Variants in TRAFD1 observed in about 807,000 individuals in gnomAD.
The protein encoded by TRAFD1 is TRAF-type zinc finger domain containing 1.
In TRAFD1, 38 loss-of-function variants were observed where a neutral mutation model predicts 65.3. That is an observed-to-expected ratio of 0.58 (90% CI 0.45 to 0.76). The LOEUF (loss-of-function observed/expected upper bound fraction) is 0.76. Among genes scored for constraint, TRAFD1 ranks in the 30% least tolerant of loss-of-function variants. TRAFD1 has a pLI of 0.00. For synonymous variants in TRAFD1, 223 were observed against 257.2 expected, an observed-to-expected ratio of 0.87 and a Z score of 1.27; for missense variants, 631 against 712.6, an observed-to-expected ratio of 0.89 and a Z score of 1.30.
intron 2 of TRAFD1, among the ~76,000 whole-genome samples, chr12:112,133,913 C>T (rs538481177): frequency 6.6e-6 from 1 of 150,962 alleles, no homozygotes; most frequent in East Asian, 1.9e-4. Context: ...ACCATGTTGG[C>T]TAGGCTGGTC....
chr12:112,135,593 C>T (rs1468824447), intron 4 of TRAFD1, among the ~76,000 whole-genome samples: 3 of 151,942 alleles, frequency 2.0e-5, no homozygotes, highest in African/African-American at 7.3e-5. Context: ...ACCACCACTC[C>T]CAGCTAATTA....
chr12:112,133,205 C>T (rs896833378), intron 2 of TRAFD1: 2 of 152,142 alleles, frequency 1.3e-5, no homozygotes, highest in African/African-American at 4.8e-5. Context: ...AGAGACCAGA[C>T]TGGTGGAGGA....
intron 9 of TRAFD1, among the ~76,000 whole-genome samples, chr12:112,150,529 G>A (rs1044406535): frequency 3.3e-5 from 5 of 151,992 alleles, no homozygotes; most frequent in African/African-American, 7.3e-5. Context: ...GGTTACATGC[G>A]TAGGCCACTG....
At position 112,137,882 on chromosome 12, in the gene TRAFD1, A is replaced by G. The variant is rs558660453; in HGVS notation, c.237+2816A>G. 3.9e-5 allele frequency among the ~76,000 whole-genome samples: 6 copies of G among 152,316 alleles called. No homozygotes were observed. The highest frequency in any genetic ancestry group is 1.4e-4 in the African/African-American group (6 of 41,568). ...AAGGTATATACTTAAAGATTTGTGC[A>G]TTTCATTCTGTGTGCCTCAAACTGT... On this transcript the variant is annotated intron_variant, in intron 4 of 11. Transcript: ENST00000412615. This position sits in a 1 kb window ranked among gnomAD's most constrained non-coding sequence, Gnocchi z 4.2.
chr12:112,147,003 T>G (rs1413708260), intron 7 of TRAFD1, among the ~76,000 whole-genome samples: 1 of 137,136 alleles, frequency 7.3e-6, no homozygotes, highest in Non-Finnish European at 1.6e-5. Context: ...TTTTTTTTTT[T>G]TTTTTTTTTT....
intron 2 of TRAFD1, among the ~76,000 whole-genome samples, chr12:112,131,595 A>G (rs2079566308): frequency 6.6e-6 from 1 of 152,200 alleles, no homozygotes; most frequent in African/African-American, 2.4e-5. Context: ...CCTTTCAGCT[A>G]TTTCTATCTA....
rs368380584 is a variant in TRAFD1, at chr12:112,145,587, T to G, written c.852T>G (p.Gly284=). 201 of 1,613,994 alleles carry G rather than the reference T, an allele frequency of 1.2e-4. No individual in the cohort carries two copies. The highest frequency in any genetic ancestry group is 1.7e-4 in the Non-Finnish European group (195 of 1,180,000). ...CTCATTGTGTGGCCTAATACCTAGG[T>G]GCAGCTGACGAGATCATGTTGCCTT... ...GGPRSLSDIK[G]AADEIMLPCE... Residue 284 remains glycine, a splice_region_variant and synonymous_variant, in exon 7 of 12, where the codon GGT becomes GGG. Transcript: ENST00000412615.
At chr12:112,143,315 G>A (rs951105099) in intron 6 of TRAFD1, among the ~76,000 whole-genome samples, 26 of 152,288 alleles carry the variant, frequency 1.7e-4, no homozygotes, top group Middle Eastern at 3.4e-3. Flanking sequence ...TCCTGACCTC[G>A]TGATCCGCCT....
chr12:112,141,439 T>A, intron 5 of TRAFD1: 1 of 600,074 alleles, frequency 1.7e-6, no homozygotes. Flanking sequence ...GTGTTGTAAA[T>A]AGCCAACACT....
intron 5 of TRAFD1, 172 bp downstream of exon 5, chr12:112,141,396 T>C: frequency 2.7e-6 from 2 of 751,004 alleles, no homozygotes; most frequent in Non-Finnish European, 4.2e-6. Flanking sequence ...CATTGGATTA[T>C]AGTTAGGGTT....
chr12:112,141,806 C>A (rs1408377707), intron 5 of TRAFD1: 5 of 347,696 alleles, frequency 1.4e-5, no homozygotes, highest in Non-Finnish European at 2.7e-5. Context: ...TACTGTAATT[C>A]AGAAAATAAG....
chr12:112,144,457 G>A (rs2030181915), intron 6 of TRAFD1, among the ~76,000 whole-genome samples: 2 of 152,068 alleles, frequency 1.3e-5, no homozygotes, highest in South Asian at 2.1e-4. Context: ...TTTTAGTAGA[G>A]ACAGGGTTTT....
rs759216159 is a variant in TRAFD1 at position 112,141,247 on chromosome 12, G to A, written c.643+23G>A. 1.9e-6 allele frequency: 3 copies of A among 1,604,944 alleles called. No homozygotes were observed. In the South Asian group the frequency reaches 3.3e-5, roughly 18 times the overall value. ...TGTGTGAGTTGTGCTTGGGATTAGG[G>A]AACTAGAATGGTATCAAAATCCCAA... On this transcript the variant is annotated intron_variant, in intron 5 of 11. Coordinates refer to ENST00000412615, the MANE Select transcript of TRAFD1 (RefSeq NM_006700.3).
intron 5 of TRAFD1, 30 bp downstream of exon 5, chr12:112,141,254 A>C: frequency 6.2e-7 from 1 of 1,601,808 alleles, no homozygotes; most frequent in Non-Finnish European, 8.5e-7. Context: ...AGGGAACTAG[A>C]ATGGTATCAA....
chr12:112,135,825 GT>G (rs753306363), intron 4 of TRAFD1, among the ~76,000 whole-genome samples: 2,758 of 131,538 alleles, frequency 0.021, 56 homozygotes, highest in African/African-American at 0.057. Flanking sequence ...CTGGCCAAAG[GT>G]TTTTTTTTTT....
intron 9 of TRAFD1, among the ~76,000 whole-genome samples, chr12:112,150,993 A>T (rs2030388396): frequency 6.6e-6 from 1 of 152,074 alleles, no homozygotes; most frequent in Admixed American, 6.5e-5. Flanking sequence ...TAATCCCAGC[A>T]CTTTGGGAGG....
chr12:112,138,830 C>T (rs890567811), intron 4 of TRAFD1, among the ~76,000 whole-genome samples: 3 of 149,738 alleles, frequency 2.0e-5, no homozygotes, highest in African/African-American at 7.4e-5. Flanking sequence ...TGTACTCCAG[C>T]CTGGGCAACA....
rs546769630 is a variant in TRAFD1, at chr12:112,130,708, A to G, written c.47+139A>G. The G allele has an allele frequency of 7.0e-6, 4 of 572,468 alleles. No individual in the cohort carries two copies. Among genetic ancestry groups the G allele is most frequent in the African/African-American group, 5.8e-5 (3 of 52,152 alleles). 35.5% of individuals were successfully genotyped at this position (572,468 alleles called of 1,614,324 possible). A position where few individuals can be genotyped will look rare whatever the true frequency, so the allele number is the denominator to read the frequency against. On this transcript the variant is annotated intron_variant, in intron 2 of 11. Coordinates refer to ENST00000412615, the MANE Select transcript of TRAFD1 (RefSeq NM_006700.3). The surrounding 1 kb of genome is among the most constrained non-coding windows in gnomAD (Gnocchi z 4.4). ...TTCTATTTTGGTGTTTATAACCCAC[A>G]TGAATTACAAGAAAGAGCATCTCTT... is the stretch of plus-strand genomic sequence containing the variant.
chr12:112,129,768 G>A (rs1457410393), intron 1 of TRAFD1, among the ~76,000 whole-genome samples: 2 of 151,826 alleles, frequency 1.3e-5, no homozygotes, highest in African/African-American at 2.4e-5. Context: ...TCAGCCTCGC[G>A]AGTAGCTGGG....
Sources: allele counts gnomAD v4.1 joint callset (sites outside exome capture counted in the v4.1 genomes callset), GRCh38; gene constraint gnomAD v4.1.1; non-coding constraint Gnocchi (gnomAD v3.1); transcripts MANE v1.5; gene names NCBI Gene and HGNC (gene_info 2026-07-23, HGNC 2026-07-21).